The following SPIB variants were observed in gnomAD, a reference collection of about 807,000 sequenced individuals.
The protein encoded by SPIB is transcription factor Spi-B.
Under a neutral mutation model 31.9 loss-of-function variants are expected in SPIB, and 7 were observed. The ratio of observed to expected loss-of-function variants is 0.22; its 90% CI spans 0.12 to 0.41. SPIB has a LOEUF of 0.41. Among genes scored for constraint, SPIB ranks in the 10% least tolerant of loss-of-function variants. The probability of loss-of-function intolerance (pLI) is 1.00; values close to 1 mark genes in which losing one functional copy is unlikely to be tolerated. For missense variants in SPIB, 327 were observed against 360.2 expected, an observed-to-expected ratio of 0.91 and a Z score of 0.75; for synonymous variants, 176 against 158.9, an observed-to-expected ratio of 1.11 and a Z score of -0.81.
intron 4 of SPIB, 140 bp downstream of exon 4, chr19:50,423,177 T>G (rs1320892422): frequency 2.2e-6 from 1 of 462,652 alleles, no homozygotes; most frequent in Admixed American, 3.9e-5. Flanking sequence ...TGCACTCCAG[T>G]CTGGGCAACA....
At chr19:50,425,528 ACTCCTGGGCTCAATCGATC>A (rs2039554158) in intron 5 of SPIB, among the ~76,000 whole-genome samples, 1 of 150,118 alleles carries the variant, frequency 6.7e-6, no homozygotes, top group Non-Finnish European at 1.5e-5. Flanking sequence ...ACTGCCTCAA[ACTCCTGGGCTCAATCGATC>A]CTCCTGCCTC....
intron 5 of SPIB, among the ~76,000 whole-genome samples, chr19:50,426,563 A>G (rs929739233): frequency 6.6e-6 from 1 of 152,076 alleles, no homozygotes; most frequent in Admixed American, 6.5e-5. Flanking sequence ...ATATGATTTC[A>G]GCTCACTGCA....
At chr19:50,421,675 C>T (rs751244352) in intron 2 of SPIB, among the ~76,000 whole-genome samples, 3 of 146,278 alleles carry the variant, frequency 2.1e-5, no homozygotes, top group African/African-American at 5.1e-5. Flanking sequence ...AGTGCAGTGG[C>T]GCGATCTCAG....
intron 2 of SPIB, among the ~76,000 whole-genome samples, chr19:50,422,121 A>C (rs2039503107): frequency 6.6e-6 from 1 of 151,870 alleles, no homozygotes. Flanking sequence ...CTTGCCCTTC[A>C]CCTCCGGAGC....
Position 50,421,363 on chromosome 19 carries a change from G to A in SPIB, c.52-1110G>A, listed in dbSNP as rs147696783. On this transcript the variant is annotated intron_variant, in intron 2 of 5. Coordinates refer to ENST00000595883, the MANE Select transcript of SPIB (RefSeq NM_003121.5). ...TATTGAGACAGAGTTTTGCTCTGTC[G>A]CCGGGCTGGAGTACAGTGGTGCGAT... Among the ~76,000 whole-genome samples, 431 of 152,114 alleles carry A rather than the reference G, an allele frequency of 2.8e-3. 1 individual carries two copies. The highest frequency in any genetic ancestry group is 9.5e-3 in the African/African-American group (396 of 41,494).
At chr19:50,423,565 A>G in intron 4 of SPIB, 40 bp from the exon 5 acceptor site, 1 of 1,598,752 alleles carries the variant, frequency 6.3e-7, no homozygotes, top group Non-Finnish European at 8.5e-7. Context: ...GAGGGAGACA[A>G]GGGGTCCCTG....
At chr19:50,425,086 AAC>A (rs781663926) in intron 5 of SPIB, among the ~76,000 whole-genome samples, 4 of 151,326 alleles carry the variant, frequency 2.6e-5, no homozygotes, top group Non-Finnish European at 5.9e-5. Flanking sequence ...GGCCCACTGC[AAC>A]CTCCACCTTC....
chr19:50,423,527 C>T, intron 4 of SPIB, 78 bp from the exon 5 acceptor site: 2 of 1,549,436 alleles, frequency 1.3e-6, no homozygotes, highest in Non-Finnish European at 1.7e-6. Context: ...CCAGGAGGGC[C>T]ACCGCCTTGG....
chr19:50,427,868 C>CCT (rs1555795031), intron 5 of SPIB, among the ~76,000 whole-genome samples, 170 bp from the exon 6 acceptor site: 1 of 55,294 alleles, frequency 1.8e-5, no homozygotes, highest in African/African-American at 3.9e-5. Context: ...GCCCCCCCCC[C>CCT]CCCCCGTGGT....
chr19:50,425,121 C>T (rs1442304821), intron 5 of SPIB, among the ~76,000 whole-genome samples: 4 of 152,012 alleles, frequency 2.6e-5, no homozygotes, highest in African/African-American at 7.2e-5. Flanking sequence ...ATCCTCCTGC[C>T]TCAGCCTCCG....
chr19:50,422,855 G>A lies in SPIB; in HGVS notation c.157G>A (p.Val53Ile). Residue 53 changes from valine (V) to isoleucine (I), a missense_variant, in exon 4 of 6, where the codon GTC becomes ATC. Coordinates refer to ENST00000595883, the MANE Select transcript of SPIB (RefSeq NM_003121.5). Reference sequence around the variant, plus strand: ...GTGGGACTGGACTGTGGCCCCACCTGTCCCAGCCACCCCCTATGAAGCCTT... The same window carrying A: ...GTGGGACTGGACTGTGGCCCCACCTATCCCAGCCACCCCCTATGAAGCCTT... ...SLWDWTVAPP[V>I]PATPYEAFDP... The A allele has an allele frequency of 6.2e-7, 1 of 1,600,296 alleles. No individual in the cohort carries two copies. Among genetic ancestry groups the A allele is most frequent in the Non-Finnish European group, 8.5e-7 (1 of 1,173,114 alleles).
At position 50,419,834 on chromosome 19, in the gene SPIB, A is replaced by C. The variant is rs557734753; in HGVS notation, c.24-112A>C. On this transcript the variant is annotated intron_variant, in intron 1 of 5. Coordinates refer to ENST00000595883, the MANE Select transcript of SPIB (RefSeq NM_003121.5). ...GAATGTGGTGGGGCTGGTCCCTCACACAGGGCTGCGGTGGTCACAGCTGCT... is the reference window on the plus strand; with the variant it reads ...GAATGTGGTGGGGCTGGTCCCTCACCCAGGGCTGCGGTGGTCACAGCTGCT... 9.9e-4 allele frequency: 1,132 copies of C among 1,139,182 alleles called. 4 individuals are homozygous for C. Among genetic ancestry groups the C allele is most frequent in the Non-Finnish European group, 1.1e-3 (932 of 834,136 alleles). 70.6% of individuals were successfully genotyped at this position (1,139,182 alleles called of 1,614,324 possible).
intron 1 of SPIB, 76 bp downstream of exon 1, chr19:50,419,061 G>A (rs1443977571): frequency 6.6e-6 from 10 of 1,521,962 alleles, no homozygotes; most frequent in Middle Eastern, 1.9e-4. Context: ...CCCATGGGCA[G>A]TGGTTTCTCT....
Position 50,428,712 on chromosome 19 carries a change from T to G in SPIB, c.*376T>G, listed in dbSNP as rs1008862508. On this transcript the variant is annotated 3_prime_UTR_variant, in exon 6 of 6. Coordinates refer to ENST00000595883, the MANE Select transcript of SPIB (RefSeq NM_003121.5). The surrounding 1 kb of genome is among the most constrained non-coding windows in gnomAD (Gnocchi z 6.5). ...TCCCCAGTGAGGCCTGGGACGTTTTTAAGATCGCTGTGTGTCTGTAAACCC... is the reference window on the plus strand; with the variant it reads ...TCCCCAGTGAGGCCTGGGACGTTTTGAAGATCGCTGTGTGTCTGTAAACCC... The G allele has an allele frequency of 2.6e-5, 6 of 229,472 alleles. No individual in the cohort carries two copies. Among genetic ancestry groups the G allele is most frequent in the Non-Finnish European group, 5.1e-5 (6 of 118,726 alleles). 14.2% of individuals were successfully genotyped at this position (229,472 alleles called of 1,614,324 possible). A position where few individuals can be genotyped will look rare whatever the true frequency, so the allele number is the denominator to read the frequency against.
intron 1 of SPIB, 76 bp downstream of exon 1, chr19:50,419,061 G>GAGAAACCACTGCCCA: frequency 6.6e-7 from 1 of 1,522,078 alleles, no homozygotes; most frequent in Non-Finnish European, 8.9e-7. Flanking sequence ...CCCATGGGCA[G>GAGAAACCACTGCCCA]TGGTTTCTCT....
chr19:50,428,159 C>G lies in SPIB; in HGVS notation c.612C>G (p.His204Gln), dbSNP rs777349190. 1 of 1,590,304 alleles carries G rather than the reference C, an allele frequency of 6.3e-7. No homozygotes were observed. Among genetic ancestry groups the G allele is most frequent in the Non-Finnish European group, 8.6e-7 (1 of 1,168,402 alleles). The change falls in exon 6 of 6, where the codon CAC (histidine) becomes CAG (glutamine). Residue 204 changes from histidine (H) to glutamine (Q), a missense_variant. By Grantham distance (24) the His-to-Gln change is conservative. Transcript: ENST00000595883. This position sits in a 1 kb window ranked among gnomAD's most constrained non-coding sequence, Gnocchi z 6.5. ...GAGVFQFSSKHKELLARRWGQ... is the reference protein window; with the variant it reads ...GAGVFQFSSKQKELLARRWGQ... ...GCGTCTTCCAGTTCTCCTCCAAGCA[C>G]AAGGAACTCCTGGCGCGCCGCTGGG...
intron 4 of SPIB, 29 bp downstream of exon 4, chr19:50,423,066 A>T: frequency 9.0e-7 from 1 of 1,110,098 alleles, no homozygotes. Flanking sequence ...GTTAAAATCA[A>T]GCCCAAACCA....
intron 2 of SPIB, among the ~76,000 whole-genome samples, chr19:50,420,557 T>G (rs928896842): frequency 6.6e-6 from 1 of 152,270 alleles, no homozygotes; most frequent in Non-Finnish European, 1.5e-5. Flanking sequence ...TATTCCTTCC[T>G]GTCCCTTCTC....
At chr19:50,423,820 A>G (rs2039533005) in intron 5 of SPIB, 65 bp downstream of exon 5, 2 of 1,535,142 alleles carry the variant, frequency 1.3e-6, no homozygotes, top group South Asian at 2.4e-5. Context: ...TGAGAGCACC[A>G]TGGCTTCCTG....
Sources: gnomAD v4.1 joint callset for allele counts (sites outside exome capture counted in the v4.1 genomes callset) on GRCh38, gnomAD v4.1.1 for gene constraint, Gnocchi (gnomAD v3.1) non-coding constraint, MANE v1.5 for transcripts, NCBI Gene and HGNC (gene_info 2026-07-23, HGNC 2026-07-21) for gene names.